The following CASR variants were observed in gnomAD, a reference collection of about 807,000 sequenced individuals.
CASR encodes the protein extracellular calcium-sensing receptor.
A neutral mutation model predicts 69.1 loss-of-function variants in CASR; 23 were observed. The observed-to-expected ratio is 0.33, with a 90% CI of 0.24 to 0.47. The LOEUF (loss-of-function observed/expected upper bound fraction) is 0.47, where lower values mean the gene tolerates loss of function less well. Ranked by LOEUF, CASR falls within the 20% of genes least tolerant of loss-of-function variation. The pLI is 1.00. For missense variants in CASR, 924 were observed against 1,356.1 expected (o/e 0.68, Z 5.00); for synonymous variants, 541 against 544.7 (o/e 0.99, Z 0.10).
At chr3:122,219,054 C>T (rs1040598796) in intron 1 of CASR, among the ~76,000 whole-genome samples, 1 of 151,986 alleles carries the variant, frequency 6.6e-6, no homozygotes, top group Non-Finnish European at 1.5e-5. Context: ...AAATAGTGAG[C>T]AAGGAGGAAT....
intron 2 of CASR, among the ~76,000 whole-genome samples, chr3:122,256,536 T>A (rs1451145912): frequency 6.6e-6 from 1 of 152,248 alleles, no homozygotes; most frequent in African/African-American, 2.4e-5. Flanking sequence ...TGAGGCACCA[T>A]GCTGAAGATT....
chr3:122,217,190 C>A (rs2074125418), intron 1 of CASR, among the ~76,000 whole-genome samples: 1 of 151,770 alleles, frequency 6.6e-6, no homozygotes, highest in Non-Finnish European at 1.5e-5. Context: ...ACTGCAACCT[C>A]CATCTCCCGG....
At chr3:122,201,187 G>C (rs2073947149) in intron 1 of CASR, among the ~76,000 whole-genome samples, 1 of 151,752 alleles carries the variant, frequency 6.6e-6, no homozygotes, top group Non-Finnish European at 1.5e-5. Flanking sequence ...TTGAGATTAG[G>C]GAGTGGTGAC....
In CASR at chr3:122,291,010, G is replaced by C. The variant is rs958792021; in HGVS notation, c.*5819G>C. The C allele has an allele frequency of 2.6e-5, 4 of 151,292 alleles. No homozygotes were observed. The highest frequency in any genetic ancestry group is 6.6e-5 in the Admixed American group (1 of 15,160). 9.4% of individuals were successfully genotyped at this position (151,292 alleles called of 1,614,324 possible). A position where few individuals can be genotyped will look rare whatever the true frequency, so the allele number is the denominator to read the frequency against. ...TTTTTTGTCCTTGTATTAGTTTGCT[G>C]AGAATGATGGTTTCCAGCTTCATCC... On this transcript the variant is annotated 3_prime_UTR_variant, in exon 7 of 7. Transcript: ENST00000639785.
intron 1 of CASR, among the ~76,000 whole-genome samples, chr3:122,239,432 T>C (rs2074359768): frequency 6.6e-6 from 1 of 152,218 alleles, no homozygotes; most frequent in Non-Finnish European, 1.5e-5. Flanking sequence ...CTAAGGTTGT[T>C]GGCTCAAATC....
Position 122,285,434 on chromosome 3 carries a change from T to G in CASR, c.*243T>G, listed in dbSNP as rs1235340072. Reference sequence around the variant, plus strand: ...TGTCAAAGCATTGAGATCTCCACGGTCAGATTTGCTGTTCACCCACATCTA... The same window carrying G: ...TGTCAAAGCATTGAGATCTCCACGGGCAGATTTGCTGTTCACCCACATCTA... On this transcript the variant is annotated 3_prime_UTR_variant, in exon 7 of 7. Transcript: ENST00000639785. 2 of 492,618 alleles carry G rather than the reference T, an allele frequency of 4.1e-6. No individual in the cohort carries two copies. Among genetic ancestry groups the G allele is most frequent in the Non-Finnish European group, 7.4e-6 (2 of 270,472 alleles). 30.5% of individuals were successfully genotyped at this position (492,618 alleles called of 1,614,324 possible).
At position 122,285,117 on chromosome 3, in the gene CASR, G is replaced by A. The variant is rs1245761983; in HGVS notation, c.3163G>A (p.Val1055Ile). ...EDPEELSPAL[V>I]VSSSQSFVIS... ...CCCTGAAGAGTTGTCCCCAGCACTT[G>A]TAGTGTCCAGTTCACAGAGCTTTGT... Residue 1055 changes from valine (V) to isoleucine (I), a missense_variant, in exon 7 of 7, where the codon GTA (valine) becomes ATA (isoleucine). Around this residue, in one of 8 missense-constraint regions of CASR, gnomAD observed 201 missense variants for 228.8 expected, o/e 0.88. Coordinates refer to ENST00000639785, the MANE Select transcript of CASR (RefSeq NM_000388.4). 2 of 1,614,216 alleles carry A rather than the reference G, an allele frequency of 1.2e-6. No individual in the cohort carries two copies. Among genetic ancestry groups the A allele is most frequent in the East Asian group, 4.5e-5 (2 of 44,886 alleles).
chr3:122,288,909 T>C lies in CASR; in HGVS notation c.*3718T>C, dbSNP rs1445235423. On this transcript the variant is annotated 3_prime_UTR_variant, in exon 7 of 7. Coordinates refer to ENST00000639785, the MANE Select transcript of CASR (RefSeq NM_000388.4). Reference sequence around the variant, plus strand: ...CTCAAATGAAAGTGTCCTAGAAGATTTTAAGAATTTAGGTTGGAAATTTAG... The same window carrying C: ...CTCAAATGAAAGTGTCCTAGAAGATCTTAAGAATTTAGGTTGGAAATTTAG... The C allele has an allele frequency of 6.6e-6, 1 of 152,136 alleles. No individual in the cohort carries two copies. The highest frequency in any genetic ancestry group is 1.5e-5 in the Non-Finnish European group (1 of 68,016). The allele number at this position is 152,136 out of a possible 1,614,324, so 9.4% of individuals were successfully genotyped here. A position where few individuals can be genotyped will look rare whatever the true frequency, so the allele number is the denominator to read the frequency against.
chr3:122,256,039 T>C (rs1029370547), intron 2 of CASR, among the ~76,000 whole-genome samples: 1 of 152,240 alleles, frequency 6.6e-6, no homozygotes, highest in Non-Finnish European at 1.5e-5. Context: ...GTTAACTTGT[T>C]TGATTTTTAT....
At chr3:122,277,787 C>G (rs1169289399) in intron 5 of CASR, among the ~76,000 whole-genome samples, 1 of 152,194 alleles carries the variant, frequency 6.6e-6, no homozygotes, top group African/African-American at 2.4e-5. Context: ...CTCTCCACTG[C>G]AGCAGGGAGC....
chr3:122,281,056 T>C (rs2074881759), intron 5 of CASR, among the ~76,000 whole-genome samples: 1 of 152,232 alleles, frequency 6.6e-6, no homozygotes, highest in African/African-American at 2.4e-5. Flanking sequence ...AAGAATGAGA[T>C]AGAAGCAGGA....
intron 1 of CASR, among the ~76,000 whole-genome samples, chr3:122,252,755 T>C (rs1022009687): frequency 2.6e-5 from 4 of 152,068 alleles, no homozygotes; most frequent in Non-Finnish European, 5.9e-5. Context: ...TCTTCTAAGA[T>C]AGAAAACAGT....
At chr3:122,216,337 G>A (rs555854232) in intron 1 of CASR, among the ~76,000 whole-genome samples, 2 of 152,226 alleles carry the variant, frequency 1.3e-5, no homozygotes, top group East Asian at 3.9e-4. Flanking sequence ...CATGGGCAAG[G>A]GAAATCATAG....
At chr3:122,186,961 T>A (rs2107577130) in intron 1 of CASR, among the ~76,000 whole-genome samples, 1 of 152,372 alleles carries the variant, frequency 6.6e-6, no homozygotes, top group Admixed American at 6.5e-5. Flanking sequence ...AGTTGCATTG[T>A]CTTCAGTTGG....
chr3:122,245,934 CTG>C (rs1188974798), intron 1 of CASR, among the ~76,000 whole-genome samples: 6 of 152,174 alleles, frequency 3.9e-5, no homozygotes, highest in Non-Finnish European at 7.4e-5. Flanking sequence ...TAAAGACAAA[CTG>C]TGCACTGACA....
intron 1 of CASR, among the ~76,000 whole-genome samples, chr3:122,202,849 A>G (rs556594528): frequency 6.6e-6 from 1 of 152,332 alleles, no homozygotes; most frequent in Non-Finnish European, 1.5e-5. Flanking sequence ...ATTTGAGTAC[A>G]GATTCAAATT....
Position 122,289,668 on chromosome 3 carries a change from G to GA in CASR, c.*4477_*4478insA, listed in dbSNP as rs2074995624. ...AACTGTGACTCTAGCACCGAGTGGG[G>GA]CTAGGGGAACCTTCTCCTCTGTTGG... On this transcript the variant is annotated 3_prime_UTR_variant, in exon 7 of 7. Coordinates refer to ENST00000639785, the MANE Select transcript of CASR (RefSeq NM_000388.4). 1 of 152,390 alleles carries GA rather than the reference G, an allele frequency of 6.6e-6. No homozygotes were observed. The highest frequency in any genetic ancestry group is 1.5e-5 in the Non-Finnish European group (1 of 68,200). The allele number at this position is 152,390 out of a possible 1,614,324, so 9.4% of individuals were successfully genotyped here.
chr3:122,233,715 A>G (rs1034106408), intron 1 of CASR, among the ~76,000 whole-genome samples: 11 of 152,124 alleles, frequency 7.2e-5, no homozygotes, highest in African/African-American at 2.7e-4. Flanking sequence ...CTGTTTCCCA[A>G]CCAAACGCCA....
In CASR at chr3:122,233,416, T is replaced by G. The variant is rs372145896; in HGVS notation, c.-242-20532T>G. On this transcript the variant is annotated intron_variant, in intron 1 of 6. Transcript: ENST00000639785. ...CCTGGGGGTCTTTGGCTGGATGGAGTTGACATCAGTCCCCTTCCCTGCTCT... is the reference window on the plus strand; with the variant it reads ...CCTGGGGGTCTTTGGCTGGATGGAGGTGACATCAGTCCCCTTCCCTGCTCT... Among the ~76,000 whole-genome samples, 160 of 152,266 alleles carry G rather than the reference T, an allele frequency of 1.1e-3. 1 individual carries two copies. Among genetic ancestry groups the G allele is most frequent in the African/African-American group, 3.6e-3 (149 of 41,556 alleles).
Sources: gnomAD v4.1 joint callset for allele counts (sites outside exome capture counted in the v4.1 genomes callset) on GRCh38, gnomAD v4.1.1 for gene constraint, gnomAD v4.1.1 regional missense constraint, MANE v1.5 for transcripts, NCBI Gene and HGNC (gene_info 2026-07-23, HGNC 2026-07-21) for gene names.